PDE8A: variants seen among roughly 807,000 people sequenced by gnomAD.
PDE8A encodes the protein phosphodiesterase 8A.
A neutral mutation model predicts 105.0 loss-of-function variants in PDE8A; 59 were observed. The ratio of observed to expected loss-of-function variants is 0.56; its 90% CI spans 0.46 to 0.70. The LOEUF (loss-of-function observed/expected upper bound fraction) is 0.70, where lower values mean the gene tolerates loss of function less well. Ranked by LOEUF, PDE8A falls within the 30% of genes least tolerant of loss-of-function variation. The pLI, the probability that PDE8A is intolerant of heterozygous loss-of-function variation, is 0.00. For synonymous variants in PDE8A, 355 were observed against 371.9 expected (o/e 0.95, Z 0.52); for missense variants, 1,014 against 1,045.9 (o/e 0.97, Z 0.42).
chr15:85,135,558 T>C (rs2082395777), intron 20 of PDE8A, among the ~76,000 whole-genome samples: 1 of 152,062 alleles, frequency 6.6e-6, no homozygotes, highest in Non-Finnish European at 1.5e-5. Context: ...CCTGCCCCAC[T>C]GTTTGACTTG....
chr15:85,072,987 GC>G (rs1292255656), intron 3 of PDE8A, among the ~76,000 whole-genome samples: 1 of 151,962 alleles, frequency 6.6e-6, no homozygotes, highest in African/African-American at 2.4e-5. Context: ...GTTGGCACTT[GC>G]CTGTAGTCCC....
chr15:85,090,175 C>T (rs774114211), intron 7 of PDE8A, among the ~76,000 whole-genome samples: 33 of 152,124 alleles, frequency 2.2e-4, no homozygotes, highest in Non-Finnish European at 3.5e-4. Context: ...TGGTGTCAGA[C>T]GGGCCTGGGC....
intron 20 of PDE8A, among the ~76,000 whole-genome samples, chr15:85,136,141 C>T (rs948386687): frequency 2.6e-5 from 4 of 152,200 alleles, no homozygotes; most frequent in Admixed American, 2.0e-4. Flanking sequence ...CCTAAGTAAT[C>T]GCCTGCTCTG....
intron 2 of PDE8A, among the ~76,000 whole-genome samples, chr15:85,065,193 A>G (rs926845304): frequency 9.9e-5 from 15 of 152,016 alleles, no homozygotes; most frequent in African/African-American, 3.4e-4. Context: ...TGTCTTTTCA[A>G]TGTTGCTGAA....
intron 19 of PDE8A, among the ~76,000 whole-genome samples, chr15:85,124,416 C>G (rs1012712224): frequency 6.6e-6 from 1 of 152,164 alleles, no homozygotes; most frequent in Non-Finnish European, 1.5e-5. Context: ...ATGTTGGCAG[C>G]AGCTCACAGT....
intron 5 of PDE8A, among the ~76,000 whole-genome samples, chr15:85,077,409 G>C (rs908747798): frequency 6.6e-6 from 1 of 152,230 alleles, no homozygotes; most frequent in Non-Finnish European, 1.5e-5. Flanking sequence ...CCCTTGGGCA[G>C]ATTTGTAGCC....
intron 3 of PDE8A, among the ~76,000 whole-genome samples, chr15:85,072,789 A>G (rs533925548): frequency 2.8e-4 from 42 of 152,242 alleles, no homozygotes; most frequent in African/African-American, 7.2e-4. Context: ...AAGGATTCCT[A>G]ATGGTAAACC....
At chr15:85,041,528 T>C (rs1375559391) in intron 1 of PDE8A, among the ~76,000 whole-genome samples, 2 of 152,234 alleles carry the variant, frequency 1.3e-5, no homozygotes, top group Admixed American at 6.5e-5. Flanking sequence ...TTATGACTAC[T>C]ACGATGTTCT....
chr15:85,045,177 AT>A (rs2080868452), intron 1 of PDE8A, among the ~76,000 whole-genome samples: 1 of 152,130 alleles, frequency 6.6e-6, no homozygotes, highest in Non-Finnish European at 1.5e-5. Context: ...CTTGACTCTG[AT>A]TCAGTTACTC....
At chr15:85,097,836 T>C (rs2081783846) in intron 8 of PDE8A, 112 bp from the exon 9 acceptor site, 2 of 652,358 alleles carry the variant, frequency 3.1e-6, no homozygotes, top group Non-Finnish European at 5.5e-6. Context: ...GTTGGGATCA[T>C]TTTTTATCTT....
At chr15:85,017,996 T>C (rs1457912565) in intron 1 of PDE8A, among the ~76,000 whole-genome samples, 3 of 152,102 alleles carry the variant, frequency 2.0e-5, no homozygotes, top group East Asian at 1.9e-4. Context: ...GTGGTAGATA[T>C]TGTGATTATT....
intron 18 of PDE8A, 130 bp from the exon 19 acceptor site, chr15:85,122,931 T>G (rs2082203745): frequency 1.1e-6 from 1 of 906,156 alleles, no homozygotes; most frequent in African/African-American, 1.7e-5. Flanking sequence ...AAAATGTGCC[T>G]TGTGGCTTTC....
chr15:85,008,936 C>T (rs1190574964), intron 1 of PDE8A, among the ~76,000 whole-genome samples: 1 of 152,192 alleles, frequency 6.6e-6, no homozygotes, highest in Non-Finnish European at 1.5e-5. Context: ...CCAGGCATCT[C>T]TCCCAAGCTG....
At chr15:85,029,946 C>T (rs1214370767) in intron 1 of PDE8A, among the ~76,000 whole-genome samples, 1 of 152,156 alleles carries the variant, frequency 6.6e-6, no homozygotes, top group Non-Finnish European at 1.5e-5. Flanking sequence ...CAGCGGGCTT[C>T]CCCTCAGGTC....
At chr15:85,024,110 C>G (rs919122603) in intron 1 of PDE8A, among the ~76,000 whole-genome samples, 11 of 152,198 alleles carry the variant, frequency 7.2e-5, no homozygotes, top group African/African-American at 2.4e-4. Flanking sequence ...CCTGCTGGCC[C>G]TTTAAGACTG....
At chr15:85,080,956 A>G (rs1046070575) in intron 5 of PDE8A, among the ~76,000 whole-genome samples, 9 of 152,156 alleles carry the variant, frequency 5.9e-5, no homozygotes, top group Non-Finnish European at 1.0e-4. Flanking sequence ...CAGGCTCTCC[A>G]TTTTGTAGGT....
At chr15:85,022,814 A>C (rs2080451046) in intron 1 of PDE8A, among the ~76,000 whole-genome samples, 1 of 152,048 alleles carries the variant, frequency 6.6e-6, no homozygotes, top group South Asian at 2.1e-4. Context: ...TGGCCTCCCT[A>C]AGTGCTGGGA....
intron 1 of PDE8A, among the ~76,000 whole-genome samples, chr15:85,041,877 C>T (rs931774846): frequency 6.6e-6 from 1 of 152,164 alleles, no homozygotes. Context: ...CAGGAGTTCT[C>T]ACATTCTTTG....
intron 14 of PDE8A, 190 bp from the exon 15 acceptor site, chr15:85,115,249 T>C: frequency 1.8e-6 from 1 of 542,110 alleles, no homozygotes; most frequent in Non-Finnish European, 3.2e-6. Context: ...CATTAGCCTG[T>C]TGTGCTCTCC....
Sources: allele counts gnomAD v4.1 joint callset (sites outside exome capture counted in the v4.1 genomes callset), GRCh38; gene constraint gnomAD v4.1.1; transcripts MANE v1.5; gene names NCBI Gene and HGNC (gene_info 2026-07-23, HGNC 2026-07-21).